PDIA6: variants seen among roughly 807,000 people sequenced by gnomAD.
PDIA6 encodes the protein protein disulfide isomerase family A member 6, also known as protein disulfide-isomerase A6.
In PDIA6, 29 loss-of-function variants were observed where a neutral mutation model predicts 58.4. The ratio of observed to expected loss-of-function variants is 0.50; its 90% CI spans 0.37 to 0.68. The LOEUF is 0.68. Ranked by LOEUF, PDIA6 falls within the 30% of genes least tolerant of loss-of-function variation. The pLI is 0.00. For missense variants in PDIA6, 480 were observed against 551.0 expected, an observed-to-expected ratio of 0.87 and a Z score of 1.29; for synonymous variants, 192 against 202.6, an observed-to-expected ratio of 0.95 and a Z score of 0.44.
At chr2:10,811,087 G>T (rs1666982912) in intron 1 of PDIA6, among the ~76,000 whole-genome samples, 1 of 152,150 alleles carries the variant, frequency 6.6e-6, no homozygotes, top group Non-Finnish European at 1.5e-5. Context: ...TCCCAGAAAG[G>T]CTGCCATTTA....
chr2:10,813,451 T>A (rs1667095607), upstream of PDIA6, among the ~76,000 whole-genome samples: 2 of 151,910 alleles, frequency 1.3e-5, no homozygotes. Flanking sequence ...TGCGCTCACG[T>A]GGGTGTGTGC....
chr2:10,814,684 C>G (rs1038067379), upstream of PDIA6, among the ~76,000 whole-genome samples: 1 of 152,208 alleles, frequency 6.6e-6, no homozygotes, highest in African/African-American at 2.4e-5. Flanking sequence ...ATTTAATTCT[C>G]TTACCAGAAG....
chr2:10,824,996 G>T (rs908278008), intron 1 of PDIA6, among the ~76,000 whole-genome samples: 2 of 152,182 alleles, frequency 1.3e-5, no homozygotes, highest in Admixed American at 1.3e-4. Flanking sequence ...CCCTTAATCT[G>T]GGTGGGCACC....
In PDIA6 at chr2:10,812,589, G is replaced by A. The variant is rs6736555; in HGVS notation, c.19+89C>T. On this transcript the variant is annotated intron_variant, in intron 1 of 12. Coordinates refer to ENST00000272227, the MANE Select transcript of PDIA6 (RefSeq NM_005742.4). ...CCAGGCCCACTTCCGGCCGCCTGCG[G>A]CCGCGGCCCGCCGGGGAACGGCCTA... is the stretch of plus-strand genomic sequence containing the variant. The A allele has an allele frequency of 0.017, 21,954 of 1,327,318 alleles. 3,127 individuals are homozygous for A. In the African/African-American group the frequency reaches 0.3, roughly 18 times the overall value. 82.2% of individuals were successfully genotyped at this position (1,327,318 alleles called of 1,614,324 possible). A position where few individuals can be genotyped will look rare whatever the true frequency, so the allele number is the denominator to read the frequency against.
intron 2 of PDIA6, among the ~76,000 whole-genome samples, chr2:10,798,469 G>A (rs111886599): frequency 2.0e-5 from 3 of 151,816 alleles, no homozygotes; most frequent in Admixed American, 6.6e-5. Context: ...TGGGGAGGCT[G>A]AGGGAGGGGA....
At chr2:10,793,731 A>G (rs1666141746) in intron 4 of PDIA6, among the ~76,000 whole-genome samples, 1 of 152,212 alleles carries the variant, frequency 6.6e-6, no homozygotes, top group Non-Finnish European at 1.5e-5. Flanking sequence ...TCTCCTAATG[A>G]GAATAACTCA....
chr2:10,827,823 C>A (rs1437383104), intron 1 of PDIA6, among the ~76,000 whole-genome samples: 555 of 119,888 alleles, frequency 4.6e-3, no homozygotes, highest in African/African-American at 6.9e-3. Context: ...GACTCTGTCT[C>A]AAAAAAAAAA....
At chr2:10,796,995 T>G in intron 4 of PDIA6, 86 bp downstream of exon 4, 2 of 1,106,494 alleles carry the variant, frequency 1.8e-6, no homozygotes, top group Non-Finnish European at 2.8e-6. Context: ...TTGAGAACCT[T>G]GCAGGTAGAG....
chr2:10,820,733 G>T (rs766706947), intron 1 of PDIA6: 2 of 702,850 alleles, frequency 2.8e-6, no homozygotes, highest in Non-Finnish European at 5.2e-6. Context: ...CACCAGCTGG[G>T]GTGGCCCGAA....
upstream of PDIA6, among the ~76,000 whole-genome samples, chr2:10,814,071 C>T (rs1247400393): frequency 6.6e-6 from 1 of 152,310 alleles, no homozygotes; most frequent in South Asian, 2.1e-4. Context: ...TGTATCTTTC[C>T]GCCTTGATTC....
chr2:10,784,507 T>G (rs1403578884), intron 12 of PDIA6, 181 bp from the exon 13 acceptor site: 1 of 553,080 alleles, frequency 1.8e-6, no homozygotes, highest in Non-Finnish European at 3.2e-6. Flanking sequence ...AGCTCAGAAC[T>G]CAGGTGAAAC....
At chr2:10,800,316 G>A (rs1178132235) in intron 2 of PDIA6, among the ~76,000 whole-genome samples, 9 of 152,144 alleles carry the variant, frequency 5.9e-5, no homozygotes, top group Non-Finnish European at 1.3e-4. Flanking sequence ...ACAGTCACTG[G>A]AGCATTTCAG....
chr2:10,835,545 C>T (rs1667815087), upstream of PDIA6, among the ~76,000 whole-genome samples: 1 of 152,188 alleles, frequency 6.6e-6, no homozygotes, highest in South Asian at 2.1e-4. Flanking sequence ...GCCCAGGGAG[C>T]CGGCCCGGCA....
intron 1 of PDIA6, among the ~76,000 whole-genome samples, chr2:10,803,831 C>T (rs1219474173): frequency 6.6e-6 from 1 of 151,924 alleles, no homozygotes; most frequent in African/African-American, 2.4e-5. Flanking sequence ...CTTAAAAAAT[C>T]CTATCACCTT....
intron 4 of PDIA6, among the ~76,000 whole-genome samples, chr2:10,795,418 G>GTC (rs1666222578): frequency 6.6e-6 from 1 of 152,084 alleles, no homozygotes; most frequent in Non-Finnish European, 1.5e-5. Context: ...GGAAAAAAAA[G>GTC]TCTCTCCCTA....
At chr2:10,789,709 A>G in intron 8 of PDIA6, 40 bp downstream of exon 8, 2 of 1,595,222 alleles carry the variant, frequency 1.3e-6, no homozygotes, top group East Asian at 4.5e-5. Flanking sequence ...ACCATCAGCT[A>G]AAAAAGCTTT....
chr2:10,819,344 A>AT, exon 2 of PDIA6: 1 of 1,532,486 alleles, frequency 6.5e-7, no homozygotes, highest in Non-Finnish European at 8.8e-7. Flanking sequence ...GGGCAGGAGA[A>AT]GTTGGTGAGC....
In PDIA6 at chr2:10,788,912, G is replaced by T. The variant is rs774441766; in HGVS notation, c.910C>A (p.His304Asn). The change falls in exon 9 of 13, where the codon CAT becomes AAT. Residue 304 changes from histidine (H) to asparagine (N), a missense_variant. By Grantham distance (68) the His-to-Asn change is moderately conservative (BLOSUM62 1). Transcript: ENST00000272227. ...TCTGTCTTACCAGTATCAAGGATATGGGGCAGCACAGCCACAACACAGAGC... is the reference window on the plus strand; with the variant it reads ...TCTGTCTTACCAGTATCAAGGATATTGGGCAGCACAGCCACAACACAGAGC... ...HQLCVVAVLP[H>N]ILDTGAAGRN... 5.0e-6 allele frequency: 8 copies of T among 1,613,140 alleles called. No individual in the cohort carries two copies. The highest frequency in any genetic ancestry group is 5.9e-6 in the Non-Finnish European group (7 of 1,179,206).
intron 1 of PDIA6, among the ~76,000 whole-genome samples, chr2:10,809,609 T>TTGC (rs1485497596): frequency 1.5e-5 from 2 of 131,528 alleles, no homozygotes; most frequent in Admixed American, 9.1e-5. Context: ...TGTGGGAGGA[T>TTGC]TGCTTGAGCC....
Sources: gnomAD v4.1 joint callset for allele counts (sites outside exome capture counted in the v4.1 genomes callset) on GRCh38, gnomAD v4.1.1 for gene constraint, MANE v1.5 for transcripts, NCBI Gene and HGNC (gene_info 2026-07-23, HGNC 2026-07-21) for gene names.